The following SP3 variants were observed in gnomAD, a reference collection of about 807,000 sequenced individuals.
The protein encoded by SP3 is transcription factor Sp3.
In SP3, 10 loss-of-function variants were observed where a neutral mutation model predicts 70.3. The ratio of observed to expected loss-of-function variants is 0.14; its 90% confidence interval spans 0.09 to 0.24. SP3 has a LOEUF of 0.24. Among genes scored for constraint, SP3 ranks in the 10% least tolerant of loss-of-function variants. The probability of loss-of-function intolerance (pLI) is 1.00; values close to 1 mark genes in which losing one functional copy is unlikely to be tolerated. For synonymous variants in SP3, 402 were observed against 333.5 expected (o/e 1.21, Z -2.24); for missense variants, 825 against 914.6 (o/e 0.90, Z 1.26).
chr2:173,962,045 G>C (rs139500758), intron 3 of SP3, among the ~76,000 whole-genome samples: 127 of 146,178 alleles, frequency 8.7e-4, no homozygotes, highest in Non-Finnish European at 1.4e-3. Flanking sequence ...ATTGATTCTA[G>C]TTCGTCTTCA....
intron 4 of SP3, among the ~76,000 whole-genome samples, chr2:173,927,200 G>A (rs745410674): frequency 6.6e-6 from 1 of 151,956 alleles, no homozygotes; most frequent in Middle Eastern, 3.2e-3. Flanking sequence ...CTTCCATCAA[G>A]TCCTTCCTCC....
chr2:173,928,761 T>C (rs1458804622), intron 4 of SP3, among the ~76,000 whole-genome samples: 1 of 152,230 alleles, frequency 6.6e-6, no homozygotes, highest in Non-Finnish European at 1.5e-5. Context: ...AGTCACCATG[T>C]GGTTGGCTTT....
intron 2 of SP3, chr2:173,964,110 G>A (rs970644241): frequency 1.1e-5 from 4 of 350,046 alleles, no homozygotes; most frequent in African/African-American, 6.5e-5. Flanking sequence ...GCGGGCAGGC[G>A]GGCGGCGGGC....
rs34329180 is a variant in SP3 at position 173,901,695 on chromosome 2, CTTTTTTTT to C, written c.*8238_*8245del. Among the ~76,000 whole-genome samples the C allele has an allele frequency of 2.7e-5, 2 of 74,958 alleles. No individual in the cohort carries two copies. Among genetic ancestry groups the C allele is most frequent in the African/African-American group, 1.1e-4 (2 of 19,020 alleles). The allele number at this position is 74,958 out of a possible 152,430, so 49.2% of individuals were successfully genotyped here. A position where few individuals can be genotyped will look rare whatever the true frequency, so the allele number is the denominator to read the frequency against. The stretch of plus-strand genomic sequence containing the variant: ...GGGAAACAGTTAGTTGGACTTAAGC[CTTTTTTTT>C]TTTTTTTTTTTTTTTTGAGACGAAA... On this transcript the variant is annotated 3_prime_UTR_variant, in exon 7 of 7. Transcript: ENST00000310015.
At chr2:173,918,555 C>T (rs1434178313) in intron 5 of SP3, 38 bp downstream of exon 5, 2 of 1,568,056 alleles carry the variant, frequency 1.3e-6, no homozygotes, top group Admixed American at 3.6e-5. Context: ...ATGATATTAG[C>T]ACTCTTAAAA....
intron 3 of SP3, 89 bp downstream of exon 3, chr2:173,963,672 C>T: frequency 2.8e-6 from 1 of 350,878 alleles, no homozygotes; most frequent in Non-Finnish European, 4.0e-6. Context: ...GAAGCGCGGG[C>T]GCCGGGGAGG....
At chr2:173,949,421 A>T (rs1433363794) in intron 4 of SP3, among the ~76,000 whole-genome samples, 1 of 152,116 alleles carries the variant, frequency 6.6e-6, no homozygotes, top group African/African-American at 2.4e-5. Flanking sequence ...AAAATACAAT[A>T]CTGATATAAA....
At chr2:173,923,770 T>A (rs1689828904) in intron 4 of SP3, among the ~76,000 whole-genome samples, 1 of 151,834 alleles carries the variant, frequency 6.6e-6, no homozygotes, top group Non-Finnish European at 1.5e-5. Context: ...TGATTTAGAA[T>A]CAAATTACTT....
intron 4 of SP3, among the ~76,000 whole-genome samples, chr2:173,947,173 G>A (rs1196207083): frequency 2.0e-5 from 3 of 152,144 alleles, no homozygotes; most frequent in Non-Finnish European, 2.9e-5. Flanking sequence ...TTGATCTGTA[G>A]ATTGTACTTC....
Position 173,904,972 on chromosome 2 carries a change from G to C in SP3, c.*4969C>G, listed in dbSNP as rs1689274910. ...AATGAACCTGAAGATTCTTCGGCTG[G>C]TTTTTAGAAATGTTCAAATAGGATA... On this transcript the variant is annotated 3_prime_UTR_variant, in exon 7 of 7. Transcript: ENST00000310015. Among the ~76,000 whole-genome samples, 5 of 152,150 alleles carry C rather than the reference G, an allele frequency of 3.3e-5. No homozygotes were observed. In the South Asian group the frequency reaches 1.0e-3, roughly 32 times the overall value.
rs570347893 is a variant in SP3 at position 173,956,372 on chromosome 2, G to A, written c.280-140C>T. 8.7e-6 allele frequency: 7 copies of A among 801,364 alleles called. No homozygotes were observed. In the African/African-American group the frequency reaches 1.0e-4, roughly 12 times the overall value. 49.6% of individuals were successfully genotyped at this position (801,364 alleles called of 1,614,324 possible). A position where few individuals can be genotyped will look rare whatever the true frequency, so the allele number is the denominator to read the frequency against. Reference sequence around the variant, plus strand: ...ACAATGGAGTTCAAATACAGGAGCAGTACTATATGAACTACAATAATTATC... The same window carrying A: ...ACAATGGAGTTCAAATACAGGAGCAATACTATATGAACTACAATAATTATC... On this transcript the variant is annotated intron_variant, in intron 3 of 6. Coordinates refer to ENST00000310015, the MANE Select transcript of SP3 (RefSeq NM_003111.5).
chr2:173,954,482 T>C (rs4972422), intron 4 of SP3, among the ~76,000 whole-genome samples: 5,448 of 152,272 alleles, frequency 0.036, 164 homozygotes, highest in Admixed American at 0.1. Flanking sequence ...ATGTTTTCAC[T>C]ATACCAACCT....
chr2:173,937,568 T>C (rs72911183), intron 4 of SP3, among the ~76,000 whole-genome samples: 29,774 of 152,042 alleles, frequency 0.2, 3,117 homozygotes, highest in Middle Eastern at 0.27. Context: ...TTAAATTTCT[T>C]GAAAAAAAAT....
At chr2:173,949,575 T>C (rs996124782) in intron 4 of SP3, among the ~76,000 whole-genome samples, 4 of 152,074 alleles carry the variant, frequency 2.6e-5, no homozygotes, top group African/African-American at 9.7e-5. Flanking sequence ...ATAATACACC[T>C]AAAAACACCT....
At chr2:173,958,596 G>C (rs979615786) in intron 3 of SP3, among the ~76,000 whole-genome samples, 1 of 144,732 alleles carries the variant, frequency 6.9e-6, no homozygotes, top group African/African-American at 2.5e-5. Flanking sequence ...AAAAAAAAAA[G>C]CAACAGGTAA....
At chr2:173,926,568 G>C (rs1490943125) in intron 4 of SP3, among the ~76,000 whole-genome samples, 1 of 152,194 alleles carries the variant, frequency 6.6e-6, no homozygotes, top group African/African-American at 2.4e-5. Flanking sequence ...GGAGGCCAAG[G>C]AGGGAGGGTC....
chr2:173,963,875 C>G lies in SP3; in HGVS notation c.165G>C (p.Gln55His). 1 of 1,509,582 alleles carries G rather than the reference C, an allele frequency of 6.6e-7. No homozygotes were observed. Among genetic ancestry groups the G allele is most frequent in the Non-Finnish European group, 8.9e-7 (1 of 1,127,328 alleles). 93.5% of individuals were successfully genotyped at this position (1,509,582 alleles called of 1,614,324 possible). ...VAAAAAAQDT[Q>H]PSPLALLAAT... ...CGGCCAGCAGAGCGAGCGGTGACGGCTGAGTGTCCTACCCCCAATGGGCGG... is the reference window on the plus strand; with the variant it reads ...CGGCCAGCAGAGCGAGCGGTGACGGGTGAGTGTCCTACCCCCAATGGGCGG... Residue 55 changes from glutamine to histidine, a missense_variant, in exon 3 of 7, where the codon CAG becomes CAC. Around this residue, in one of 4 missense-constraint regions of SP3, gnomAD observed 678 missense variants for 651.6 expected, o/e 1.04. Coordinates refer to ENST00000310015, the MANE Select transcript of SP3 (RefSeq NM_003111.5).
chr2:173,922,134 A>G (rs1000584308), intron 4 of SP3, among the ~76,000 whole-genome samples: 1 of 152,126 alleles, frequency 6.6e-6, no homozygotes. Flanking sequence ...TTAAAAAGAG[A>G]TGATAGTGGC....
Position 173,921,938 on chromosome 2 carries a change from C to A in SP3, c.1640-3153G>T, listed in dbSNP as rs75306343. ...TGTCTCTCACCTCCCTCTACTTCTA[C>A]CATGTGACGTGCCCATTCCCCATTT... On this transcript the variant is annotated intron_variant, in intron 4 of 6. Transcript: ENST00000310015. Among the ~76,000 whole-genome samples, 954 of 152,284 alleles carry A rather than the reference C, an allele frequency of 6.3e-3. 8 individuals are homozygous for A. Among genetic ancestry groups the A allele is most frequent in the African/African-American group, 0.022 (903 of 41,552 alleles).
Sources: allele counts gnomAD v4.1 joint callset (sites outside exome capture counted in the v4.1 genomes callset), GRCh38; gene constraint gnomAD v4.1.1; regional missense constraint gnomAD v4.1.1; transcripts MANE v1.5; gene names NCBI Gene and HGNC (gene_info 2026-07-23, HGNC 2026-07-21).